The following DGKB variants were observed in gnomAD, a reference collection of about 807,000 sequenced individuals.
The protein encoded by DGKB is 90 kDa diacylglycerol kinase.
DGKB carries 67 observed loss-of-function variants against 114.3 expected under a neutral mutation model. The ratio of observed to expected loss-of-function variants is 0.59; its 90% CI spans 0.48 to 0.72. The LOEUF (loss-of-function observed/expected upper bound fraction) is 0.72, where lower values mean the gene tolerates loss of function less well. Among genes scored for constraint, DGKB ranks in the 30% least tolerant of loss-of-function variants. DGKB has a pLI of 0.00. For synonymous variants in DGKB, 398 were observed against 323.1 expected (o/e 1.23, Z -2.49); for missense variants, 907 against 975.2 (o/e 0.93, Z 0.93).
chr7:14,786,260 G>A (rs977761594), intron 2 of DGKB, among the ~76,000 whole-genome samples: 12 of 152,116 alleles, frequency 7.9e-5, no homozygotes, highest in Middle Eastern at 3.4e-3. Flanking sequence ...AATCCTAACT[G>A]GTTATAATCG....
chr7:14,193,675 C>T (rs889959305), intron 23 of DGKB, among the ~76,000 whole-genome samples: 28 of 151,926 alleles, frequency 1.8e-4, no homozygotes, highest in South Asian at 6.2e-4. Context: ...GCACAGACAA[C>T]GAAAGCAAAA....
chr7:14,274,917 TG>T (rs1798768854), intron 23 of DGKB, among the ~76,000 whole-genome samples: 2 of 150,984 alleles, frequency 1.3e-5, no homozygotes, highest in African/African-American at 4.9e-5. Context: ...ATGCATTTTT[TG>T]GGGGGTGCAC....
At chr7:14,599,116 A>G (rs756605803) in intron 17 of DGKB, among the ~76,000 whole-genome samples, 5 of 152,212 alleles carry the variant, frequency 3.3e-5, no homozygotes, top group Admixed American at 2.0e-4. Context: ...ACACATTACA[A>G]GAGGATAACA....
chr7:14,845,954 A>C (rs1340718339), intron 1 of DGKB, among the ~76,000 whole-genome samples: 1 of 152,216 alleles, frequency 6.6e-6, no homozygotes, highest in Non-Finnish European at 1.5e-5. Context: ...CATCATTCCC[A>C]AGGGATGCCT....
intron 20 of DGKB, among the ~76,000 whole-genome samples, chr7:14,528,633 T>C (rs1234441386): frequency 6.6e-6 from 1 of 152,006 alleles, no homozygotes. Context: ...AGTAGTTATA[T>C]GGTAATACAC....
At chr7:14,631,516 C>G (rs12672892) in intron 13 of DGKB, among the ~76,000 whole-genome samples, 1 of 151,736 alleles carries the variant, frequency 6.6e-6, no homozygotes, top group Admixed American at 6.6e-5. Context: ...AAAGAAGCCA[C>G]GAAGTGGAAG....
intron 21 of DGKB, among the ~76,000 whole-genome samples, chr7:14,392,746 A>G (rs1583605688): frequency 1.3e-5 from 2 of 152,268 alleles, no homozygotes; most frequent in East Asian, 3.9e-4. Flanking sequence ...TCCAAATCCC[A>G]TTCGCAAAAA....
chr7:14,809,477 C>T (rs1230576103), intron 2 of DGKB, among the ~76,000 whole-genome samples: 2 of 152,042 alleles, frequency 1.3e-5, no homozygotes, highest in Non-Finnish European at 2.9e-5. Context: ...GGAGATGTCA[C>T]CATCCCCAAG....
intron 17 of DGKB, among the ~76,000 whole-genome samples, chr7:14,605,907 G>C (rs1000011011): frequency 6.6e-6 from 1 of 152,000 alleles, no homozygotes; most frequent in Non-Finnish European, 1.5e-5. Context: ...TATCCTATAA[G>C]GCAGGCAGAA....
intron 23 of DGKB, among the ~76,000 whole-genome samples, chr7:14,187,804 G>A (rs1187784232): frequency 1.3e-5 from 2 of 152,172 alleles, no homozygotes; most frequent in East Asian, 1.9e-4. Context: ...ACATAAAAAA[G>A]CAAATTAACA....
chr7:14,575,229 C>T (rs1378145711), intron 19 of DGKB, among the ~76,000 whole-genome samples: 5 of 152,204 alleles, frequency 3.3e-5, no homozygotes, highest in African/African-American at 7.2e-5. Flanking sequence ...GTCCGCTATA[C>T]GCAGTTCTCA....
At chr7:14,245,090 G>A (rs1335991380) in intron 23 of DGKB, among the ~76,000 whole-genome samples, 1 of 152,060 alleles carries the variant, frequency 6.6e-6, no homozygotes, top group Non-Finnish European at 1.5e-5. Flanking sequence ...AAGATGTCAT[G>A]AGTAAATCTC....
intron 6 of DGKB, among the ~76,000 whole-genome samples, chr7:14,715,817 T>C (rs922738108): frequency 2.6e-5 from 4 of 152,202 alleles, no homozygotes; most frequent in African/African-American, 7.2e-5. Context: ...GGTTTTGTTA[T>C]ATACATTTCT....
At chr7:14,689,260 C>T (rs1169993111) in intron 9 of DGKB, among the ~76,000 whole-genome samples, 3 of 131,246 alleles carry the variant, frequency 2.3e-5, no homozygotes, top group African/African-American at 8.8e-5. Flanking sequence ...GGCTGGAGGG[C>T]AGTGGCGCGA....
chr7:14,222,698 A>G (rs552896547), intron 23 of DGKB, among the ~76,000 whole-genome samples: 14 of 151,624 alleles, frequency 9.2e-5, no homozygotes, highest in East Asian at 2.0e-4. Context: ...CAGAGTTCCA[A>G]TGTTCTATTT....
chr7:14,826,950 C>G (rs1255012100), intron 2 of DGKB, among the ~76,000 whole-genome samples: 1 of 152,112 alleles, frequency 6.6e-6, no homozygotes, highest in African/African-American at 2.4e-5. Context: ...GCCTAGTGAG[C>G]CATCTTTTGC....
At chr7:14,321,126 A>C (rs984877561) in intron 23 of DGKB, among the ~76,000 whole-genome samples, 1 of 152,080 alleles carries the variant, frequency 6.6e-6, no homozygotes, top group Non-Finnish European at 1.5e-5. Context: ...CCCTGTCCCT[A>C]CAAAAAATAC....
chr7:14,859,179 CAG>C (rs1850613005), intron 1 of DGKB, among the ~76,000 whole-genome samples: 2 of 151,856 alleles, frequency 1.3e-5, no homozygotes, highest in South Asian at 4.1e-4. Context: ...ATGATCGAGG[CAG>C]AGAGTATGGG....
intron 6 of DGKB, among the ~76,000 whole-genome samples, chr7:14,711,803 A>C (rs1385754543): frequency 1.3e-5 from 2 of 152,180 alleles, no homozygotes; most frequent in Non-Finnish European, 2.9e-5. Context: ...AAGTGAAATG[A>C]AAGGAATTCT....
Sources: gnomAD v4.1 joint callset for allele counts (sites outside exome capture counted in the v4.1 genomes callset) on GRCh38, gnomAD v4.1.1 for gene constraint, MANE v1.5 for transcripts, NCBI Gene and HGNC (gene_info 2026-07-23, HGNC 2026-07-21) for gene names.